KDM4B: variants seen among roughly 807,000 people sequenced by gnomAD.
KDM4B encodes the protein lysine demethylase 4B.
In KDM4B, 32 loss-of-function variants were observed where a neutral mutation model predicts 125.2. The ratio of observed to expected loss-of-function variants is 0.26; its 90% CI spans 0.19 to 0.34. The LOEUF (loss-of-function observed/expected upper bound fraction) is 0.34. Ranked by LOEUF, KDM4B falls within the 10% of genes least tolerant of loss-of-function variation. KDM4B has a pLI of 1.00. For missense variants in KDM4B, 1,190 were observed against 1,577.7 expected, an observed-to-expected ratio of 0.75 and a Z score of 4.16; for synonymous variants, 721 against 677.9, an observed-to-expected ratio of 1.06 and a Z score of -0.99.
chr19:5,026,522 G>A (rs1014860024), intron 2 of KDM4B, among the ~76,000 whole-genome samples: 7 of 152,124 alleles, frequency 4.6e-5, no homozygotes, highest in Non-Finnish European at 2.9e-5. Flanking sequence ...CCTCTGTGAC[G>A]TTGTTAATTA....
chr19:5,035,835 T>C lies in KDM4B; in HGVS notation c.141+2804T>C, dbSNP rs1342292470. On this transcript the variant is annotated intron_variant, in intron 3 of 22. Coordinates refer to ENST00000159111, the MANE Select transcript of KDM4B (RefSeq NM_015015.3). This position sits in a 1 kb window ranked among gnomAD's most constrained non-coding sequence, Gnocchi z 5.3. ...GTAGGGGGCCGTCCGGGTCCCATGC[T>C]GTGGAGGGGCTGTGTGTGCACGTGT... Among the ~76,000 whole-genome samples, 1 of 149,990 alleles carries C rather than the reference T, an allele frequency of 6.7e-6. No homozygotes were observed. The highest frequency in any genetic ancestry group is 1.5e-5 in the Non-Finnish European group (1 of 67,708).
At chr19:5,084,541 TTA>T (rs1237569278) in intron 9 of KDM4B, among the ~76,000 whole-genome samples, 7 of 136,004 alleles carry the variant, frequency 5.1e-5, no homozygotes, top group African/African-American at 5.3e-5. Context: ...TATTTATATA[TTA>T]TATATAATAT....
chr19:4,985,496 G>A (rs868817370), intron 1 of KDM4B, among the ~76,000 whole-genome samples: 1 of 152,244 alleles, frequency 6.6e-6, no homozygotes, highest in African/African-American at 2.4e-5. Flanking sequence ...GCTCTGTGAG[G>A]CTGGGATTCC....
At chr19:5,149,010 C>T (rs2039899716) in intron 21 of KDM4B, among the ~76,000 whole-genome samples, 1 of 152,222 alleles carries the variant, frequency 6.6e-6, no homozygotes, top group Non-Finnish European at 1.5e-5. Flanking sequence ...CTGGGCACTC[C>T]CAGCCCTGCT....
chr19:5,111,724 C>T (rs894713558), intron 10 of KDM4B: 1 of 761,934 alleles, frequency 1.3e-6, no homozygotes, highest in Non-Finnish European at 2.4e-6. Flanking sequence ...TCAGCCAACT[C>T]CTCCGGGGAA....
intron 1 of KDM4B, among the ~76,000 whole-genome samples, chr19:5,015,329 G>A (rs949051691): frequency 3.3e-5 from 5 of 152,092 alleles, no homozygotes; most frequent in South Asian, 2.1e-4. Flanking sequence ...TCGGCTCACT[G>A]TAACCTCTAC....
At chr19:5,037,314 C>T (rs1014365907) in intron 3 of KDM4B, among the ~76,000 whole-genome samples, 3 of 152,196 alleles carry the variant, frequency 2.0e-5, no homozygotes, top group Non-Finnish European at 4.4e-5. Flanking sequence ...GGTCTCTGAC[C>T]ATACCACTCA....
intron 1 of KDM4B, among the ~76,000 whole-genome samples, chr19:4,986,911 G>C (rs561619005): frequency 3.2e-4 from 48 of 152,342 alleles, no homozygotes; most frequent in Non-Finnish European, 4.4e-4. Flanking sequence ...GCAAAGGCTG[G>C]AGGCACTGCT....
At chr19:4,995,561 G>T (rs2035172907) in intron 1 of KDM4B, among the ~76,000 whole-genome samples, 1 of 152,176 alleles carries the variant, frequency 6.6e-6, no homozygotes, top group Non-Finnish European at 1.5e-5. Flanking sequence ...TTACAGGCAT[G>T]ATCCTCTGTG....
intron 10 of KDM4B, chr19:5,111,237 C>T: frequency 1.6e-6 from 1 of 622,302 alleles, no homozygotes; most frequent in Non-Finnish European, 2.9e-6. Flanking sequence ...TCGGGCCCCT[C>T]CCTGGCGCTG....
intron 1 of KDM4B, among the ~76,000 whole-genome samples, chr19:5,005,478 C>T (rs1215767907): frequency 6.6e-6 from 1 of 152,090 alleles, no homozygotes; most frequent in Admixed American, 6.5e-5. Flanking sequence ...TTCCTGAAGA[C>T]CCCACGATGA....
At chr19:5,128,867 G>A (rs1449247228) in intron 11 of KDM4B, among the ~76,000 whole-genome samples, 1 of 148,878 alleles carries the variant, frequency 6.7e-6, no homozygotes, top group East Asian at 2.0e-4. Flanking sequence ...GGGCGGGGGG[G>A]GGGGTCATAT....
chr19:5,029,479 T>G (rs1019458034), intron 2 of KDM4B, among the ~76,000 whole-genome samples: 12 of 152,238 alleles, frequency 7.9e-5, no homozygotes, highest in Admixed American at 7.2e-4. Flanking sequence ...GCGTGGGGAT[T>G]GTGGACCATT....
chr19:5,007,344 T>A (rs1456349880), intron 1 of KDM4B, among the ~76,000 whole-genome samples: 2 of 152,224 alleles, frequency 1.3e-5, no homozygotes, highest in Non-Finnish European at 2.9e-5. Context: ...CATCTCTTCC[T>A]GTGACTGTTG....
intron 3 of KDM4B, among the ~76,000 whole-genome samples, chr19:5,033,787 G>A (rs758536238): frequency 3.3e-5 from 5 of 152,094 alleles, no homozygotes; most frequent in Non-Finnish European, 4.4e-5. Flanking sequence ...ACGCGTGTAC[G>A]TGAATACACA....
At position 5,118,184 on chromosome 19, in the gene KDM4B, G is replaced by A. The variant is rs566074251; in HGVS notation, c.1116-1469G>A. Among the ~76,000 whole-genome samples the A allele has an allele frequency of 9.7e-4, 148 of 152,338 alleles. 1 individual carries two copies. The highest frequency in any genetic ancestry group is 3.4e-3 in the African/African-American group (143 of 41,582). On this transcript the variant is annotated intron_variant, in intron 10 of 22. Transcript: ENST00000159111. ...TGTCAGATGAGCCTGCCCCACCTTG[G>A]TGACCACTTGGTCCTTGGAGGGGCA...
chr19:5,039,756 G>T (rs1599476231), intron 3 of KDM4B, 80 bp from the exon 4 acceptor site: 5 of 1,478,774 alleles, frequency 3.4e-6, no homozygotes, highest in African/African-American at 2.8e-5. Context: ...CTGGTCTCTG[G>T]GGAGCCGGTG....
At chr19:5,020,073 GTGTTGGTGTGGA>G (rs1390859852) in intron 2 of KDM4B, among the ~76,000 whole-genome samples, 2 of 147,796 alleles carry the variant, frequency 1.4e-5, no homozygotes, top group Non-Finnish European at 3.0e-5. Context: ...TGGTGTGCAG[GTGTTGGTGTGGA>G]TGTTGGTGTG....
intron 1 of KDM4B, among the ~76,000 whole-genome samples, chr19:4,992,195 A>G (rs901547237): frequency 7.2e-5 from 11 of 152,086 alleles, no homozygotes; most frequent in African/African-American, 2.7e-4. Flanking sequence ...TGTCACGAAG[A>G]CATTTACCTT....
Sources: allele counts gnomAD v4.1 joint callset (sites outside exome capture counted in the v4.1 genomes callset), GRCh38; gene constraint gnomAD v4.1.1; non-coding constraint Gnocchi (gnomAD v3.1); transcripts MANE v1.5; gene names NCBI Gene and HGNC (gene_info 2026-07-23, HGNC 2026-07-21).